The following GNA14 variants were observed in gnomAD, a reference collection of about 807,000 sequenced individuals.
The protein encoded by GNA14 is G protein subunit alpha 14, also known as guanine nucleotide-binding protein subunit alpha-14.
A neutral mutation model predicts 42.0 loss-of-function variants in GNA14; 50 were observed. The ratio of observed to expected loss-of-function variants is 1.19; its 90% CI spans 0.95 to 1.51. The LOEUF (loss-of-function observed/expected upper bound fraction) is 1.51. Among genes scored for constraint, GNA14 ranks in the 40% most tolerant of loss-of-function variants. The pLI, the probability that GNA14 is intolerant of heterozygous loss-of-function variation, is 0.00. For synonymous variants in GNA14, 173 were observed against 163.1 expected (o/e 1.06, Z -0.46); for missense variants, 473 against 446.2 (o/e 1.06, Z -0.54).
chr9:77,502,147 A>C (rs748261854), intron 2 of GNA14, among the ~76,000 whole-genome samples: 1 of 151,954 alleles, frequency 6.6e-6, no homozygotes, highest in African/African-American at 2.4e-5. Flanking sequence ...GTTCCTCTCT[A>C]TATGTCTTAT....
At chr9:77,629,322 G>A (rs939884247) in intron 1 of GNA14, among the ~76,000 whole-genome samples, 5 of 152,192 alleles carry the variant, frequency 3.3e-5, no homozygotes, top group East Asian at 1.9e-4. Context: ...ACAGTGTAGC[G>A]ACTCCTCAAG....
intron 2 of GNA14, among the ~76,000 whole-genome samples, chr9:77,493,583 T>C (rs1315162666): frequency 1.3e-5 from 2 of 152,218 alleles, no homozygotes; most frequent in Non-Finnish European, 2.9e-5. Context: ...TGTCCACTTA[T>C]TGAGTGAGTT....
chr9:77,495,579 C>T (rs2131739518), intron 2 of GNA14, among the ~76,000 whole-genome samples: 1 of 152,286 alleles, frequency 6.6e-6, no homozygotes, highest in Non-Finnish European at 1.5e-5. Flanking sequence ...TTAATATTAC[C>T]TTGACTATAT....
chr9:77,433,259 G>C (rs1212908778), intron 3 of GNA14, among the ~76,000 whole-genome samples: 7 of 152,204 alleles, frequency 4.6e-5, no homozygotes, highest in African/African-American at 1.7e-4. Flanking sequence ...ATACGGGACA[G>C]GTGTGAAAGA....
rs34368561 is a variant in GNA14 at position 77,623,216 on chromosome 9, C to CAAAAAAAAAAAAAAAA, written c.124+24438_124+24453dup. ...TGGGCAAAAGAGTGAGACGCTGTCTCAAAAAAAAAAAAAAAAAAAAAAAAA... is the reference window on the plus strand; with the variant it reads ...TGGGCAAAAGAGTGAGACGCTGTCTCAAAAAAAAAAAAAAAAAAAAAAAAAAAAAAAAAAAAAAAAA... On this transcript the variant is annotated intron_variant, in intron 1 of 6. Coordinates refer to ENST00000341700, the MANE Select transcript of GNA14 (RefSeq NM_004297.4). Among the ~76,000 whole-genome samples the CAAAAAAAAAAAAAAAA allele has an allele frequency of 4.1e-4, 11 of 26,854 alleles. 2 individuals are homozygous for CAAAAAAAAAAAAAAAA. The highest frequency in any genetic ancestry group is 5.1e-4 in the Non-Finnish European group (4 of 7,782). The allele number at this position is 26,854 out of a possible 152,430, so 17.6% of individuals were successfully genotyped here.
intron 1 of GNA14, among the ~76,000 whole-genome samples, chr9:77,546,484 A>C (rs2068846375): frequency 6.6e-6 from 1 of 152,130 alleles, no homozygotes; most frequent in Non-Finnish European, 1.5e-5. Flanking sequence ...ACAGCTGTGA[A>C]TCAGGATGTG....
chr9:77,600,989 AG>A (rs1311682349), intron 1 of GNA14, among the ~76,000 whole-genome samples: 2 of 152,220 alleles, frequency 1.3e-5, no homozygotes, highest in Non-Finnish European at 2.9e-5. Context: ...GGATAAGGAA[AG>A]GGTCGTCCGA....
intron 1 of GNA14, among the ~76,000 whole-genome samples, chr9:77,582,567 T>A (rs1823242026): frequency 6.6e-6 from 1 of 152,210 alleles, no homozygotes; most frequent in Non-Finnish European, 1.5e-5. Flanking sequence ...GTTATATCTA[T>A]CTGAATTTTT....
intron 2 of GNA14, among the ~76,000 whole-genome samples, chr9:77,454,204 A>G (rs933254208): frequency 4.6e-5 from 7 of 152,170 alleles, no homozygotes; most frequent in Non-Finnish European, 1.0e-4. Flanking sequence ...TGGTGGTTCC[A>G]AAGTCTTCAC....
At chr9:77,537,751 CTT>C (rs1837614779) in intron 1 of GNA14, among the ~76,000 whole-genome samples, 1 of 152,038 alleles carries the variant, frequency 6.6e-6, no homozygotes, top group Admixed American at 6.5e-5. Flanking sequence ...CATTTTTTGT[CTT>C]TTAGTAGTAG....
At chr9:77,583,944 T>G (rs1823263958) in intron 1 of GNA14, among the ~76,000 whole-genome samples, 1 of 152,194 alleles carries the variant, frequency 6.6e-6, no homozygotes, top group South Asian at 2.1e-4. Flanking sequence ...TCCATTGATC[T>G]GCAGGAATAA....
intron 1 of GNA14, among the ~76,000 whole-genome samples, chr9:77,636,755 C>G (rs1824189892): frequency 6.6e-6 from 1 of 152,206 alleles, no homozygotes; most frequent in African/African-American, 2.4e-5. Context: ...CTTGAGGGAT[C>G]TGACCCGACG....
rs1210549782 is a variant in GNA14, at chr9:77,425,683, T to C, written c.756A>G (p.Lys252=). ...NRMEESKALF[K]TIITYPWFLN... ...GAAACCAGGGGTAGGTGATGATGGT[T>C]TTAAATAAGGCTTTGCTCTCTTCCA... Residue 252 remains lysine (K), a synonymous_variant, in exon 6 of 7, where the codon AAA becomes AAG. Coordinates refer to ENST00000341700, the MANE Select transcript of GNA14 (RefSeq NM_004297.4). The C allele has an allele frequency of 1.2e-6, 2 of 1,611,072 alleles. No individual in the cohort carries two copies. The highest frequency in any genetic ancestry group is 8.5e-7 in the Non-Finnish European group (1 of 1,177,888).
intron 1 of GNA14, among the ~76,000 whole-genome samples, 153 bp downstream of exon 1, chr9:77,647,517 A>C (rs1824376538): frequency 6.6e-6 from 1 of 152,182 alleles, no homozygotes. Context: ...CTAAGGCCCC[A>C]AGTTGCTGGC....
chr9:77,506,489 C>T (rs1378940279), intron 2 of GNA14, among the ~76,000 whole-genome samples: 1 of 151,904 alleles, frequency 6.6e-6, no homozygotes, highest in African/African-American at 2.4e-5. Flanking sequence ...TCATTCTGGC[C>T]AGTGTGGTGA....
intron 2 of GNA14, among the ~76,000 whole-genome samples, chr9:77,489,693 C>T (rs528941110): frequency 6.6e-5 from 10 of 152,036 alleles, no homozygotes; most frequent in African/African-American, 2.2e-4. Flanking sequence ...TGCAGACCTT[C>T]GCGGTGAGTG....
chr9:77,490,044 T>TCCAGGTCC (rs1480196516), intron 2 of GNA14, among the ~76,000 whole-genome samples: 2 of 152,152 alleles, frequency 1.3e-5, no homozygotes. Flanking sequence ...ACAAAGGTTC[T>TCCAGGTCC]CCACGTCCCC....
intron 2 of GNA14, among the ~76,000 whole-genome samples, chr9:77,506,688 T>A (rs989018577): frequency 4.0e-5 from 6 of 151,840 alleles, no homozygotes; most frequent in Middle Eastern, 3.4e-3. Flanking sequence ...AAAAAAAAAA[T>A]TTCATGAGAT....
intron 2 of GNA14, among the ~76,000 whole-genome samples, chr9:77,515,812 A>C (rs1422083318): frequency 6.6e-6 from 1 of 151,574 alleles, no homozygotes; most frequent in Non-Finnish European, 1.5e-5. Flanking sequence ...AAAAAATAAA[A>C]AATTAGCCAG....
Sources: gnomAD v4.1 joint callset for allele counts (sites outside exome capture counted in the v4.1 genomes callset) on GRCh38, gnomAD v4.1.1 for gene constraint, MANE v1.5 for transcripts, NCBI Gene and HGNC (gene_info 2026-07-23, HGNC 2026-07-21) for gene names.